Variants in CCDC33 observed in about 807,000 individuals in gnomAD.
The protein encoded by CCDC33 is coiled-coil domain containing 33, also known as coiled-coil domain-containing protein 33.
In CCDC33, 94 loss-of-function variants were observed where a neutral mutation model predicts 91.9. That is an observed-to-expected ratio of 1.02 (90% CI 0.87 to 1.21). The LOEUF (loss-of-function observed/expected upper bound fraction) is 1.21. Among genes scored for constraint, CCDC33 ranks in the 50% most tolerant of loss-of-function variants. The pLI, the probability that CCDC33 is intolerant of heterozygous loss-of-function variation, is 0.00. For synonymous variants in CCDC33, 396 were observed against 374.5 expected, an observed-to-expected ratio of 1.06 and a Z score of -0.66; for missense variants, 940 against 935.5, an observed-to-expected ratio of 1.00 and a Z score of -0.06.
chr15:74,203,298 G>T, intron 1 of CCDC33: 1 of 798,214 alleles, frequency 1.3e-6, no homozygotes, highest in Non-Finnish European at 1.5e-6. Flanking sequence ...CAGACCCACG[G>T]GTAGGCAAGA....
rs55820464 is a variant in CCDC33 at position 74,223,723 on chromosome 15, T to TACACACACACAC, written c.675+4893_675+4904dup. Among the ~76,000 whole-genome samples the TACACACACACAC allele has an allele frequency of 6.1e-3, 686 of 112,250 alleles. 16 individuals carry two copies. The highest frequency in any genetic ancestry group is 0.019 in the African/African-American group (611 of 31,456). 73.6% of individuals were successfully genotyped at this position (112,250 alleles called of 152,430 possible). ...GCTGAGGCTGTGCCCACCGCCAGCA[T>TACACACACACAC]ACACACACACACACACACACACACA... On this transcript the variant is annotated intron_variant, in intron 2 of 2. Transcript: ENST00000635913.
chr15:74,294,279 T>C (rs181626482), intron 10 of CCDC33, among the ~76,000 whole-genome samples: 1 of 152,340 alleles, frequency 6.6e-6, no homozygotes, highest in East Asian at 1.9e-4. Context: ...AGGGTGGAAC[T>C]GGCTCACTTT....
intron 11 of CCDC33, among the ~76,000 whole-genome samples, chr15:74,306,365 G>C (rs2059893845): frequency 6.6e-6 from 1 of 152,170 alleles, no homozygotes; most frequent in Non-Finnish European, 1.5e-5. Flanking sequence ...AGAATGCCAG[G>C]GTAGTCTGCA....
intron 11 of CCDC33, among the ~76,000 whole-genome samples, chr15:74,317,317 C>T (rs532892661): frequency 1.3e-5 from 2 of 152,278 alleles, no homozygotes; most frequent in East Asian, 3.9e-4. Flanking sequence ...GCCCAGATCG[C>T]GCCACTGTAC....
At chr15:74,219,722 C>T (rs1228020738) in intron 2 of CCDC33, among the ~76,000 whole-genome samples, 1 of 152,102 alleles carries the variant, frequency 6.6e-6, no homozygotes, top group African/African-American at 2.4e-5. Flanking sequence ...CCCTTTTATC[C>T]ATTCATTCAT....
At chr15:74,302,700 A>G (rs1216452834) in intron 11 of CCDC33, 1 of 152,282 alleles carries the variant, frequency 6.6e-6, no homozygotes, top group African/African-American at 2.4e-5. Flanking sequence ...GCAAACCTGG[A>G]TGGGGGCCAC....
chr15:74,203,709 G>T (rs1344142347), intron 1 of CCDC33, among the ~76,000 whole-genome samples: 1 of 152,246 alleles, frequency 6.6e-6, no homozygotes, highest in African/African-American at 2.4e-5. Flanking sequence ...CGGGGACACA[G>T]CCAGATAACT....
intron 10 of CCDC33, among the ~76,000 whole-genome samples, chr15:74,287,896 C>T (rs1282424904): frequency 6.6e-6 from 1 of 152,170 alleles, no homozygotes; most frequent in Non-Finnish European, 1.5e-5. Flanking sequence ...GACTCTGTGT[C>T]GGAGCAGGGC....
chr15:74,331,513 C>T (rs1187233354), intron 15 of CCDC33, among the ~76,000 whole-genome samples: 1 of 152,170 alleles, frequency 6.6e-6, no homozygotes, highest in Non-Finnish European at 1.5e-5. Context: ...CCTGGAAGCC[C>T]CTCAGAACAC....
Position 74,236,586 on chromosome 15 carries a change from T to C in CCDC33, c.-134T>C. ...CCTGAGACCACATTGACCTCCATAC[T>C]GTCTACTACCCATAAGGACTCCAAG... On this transcript the variant is annotated 5_prime_UTR_variant, in exon 1 of 19. Transcript: ENST00000398814. 2.2e-6 allele frequency: 1 copy of C among 463,406 alleles called. No homozygotes were observed. Among genetic ancestry groups the C allele is most frequent in the Non-Finnish European group, 3.8e-6 (1 of 261,902 alleles). The allele number at this position is 463,406 out of a possible 1,614,324, so 28.7% of individuals were successfully genotyped here. A position where few individuals can be genotyped will look rare whatever the true frequency, so the allele number is the denominator to read the frequency against.
At position 74,317,887 on chromosome 15, in the gene CCDC33, GTTTT is replaced by G. The variant is rs71137385; in HGVS notation, c.1291-12282_1291-12279del. Among the ~76,000 whole-genome samples the G allele has an allele frequency of 1.0e-4, 11 of 110,484 alleles. No individual in the cohort carries two copies. In the East Asian group the frequency reaches 1.2e-3, roughly 12 times the overall value. 72.5% of individuals were successfully genotyped at this position (110,484 alleles called of 152,430 possible). On this transcript the variant is annotated intron_variant, in intron 11 of 18. Transcript: ENST00000398814. ...GTGGCGGGCTGGCTTGTTTGGGTTTGTTTTTTTTTTTTTTTTTTTTTTTGCTTCC... is the reference window on the plus strand; with the variant it reads ...GTGGCGGGCTGGCTTGTTTGGGTTTGTTTTTTTTTTTTTTTTTTTGCTTCC...
intron 2 of CCDC33, among the ~76,000 whole-genome samples, chr15:74,228,614 C>T (rs1324804368): frequency 6.6e-6 from 1 of 152,208 alleles, no homozygotes; most frequent in Non-Finnish European, 1.5e-5. Flanking sequence ...CTTACCCCAC[C>T]CGGAAGCCTG....
chr15:74,218,614 C>T lies in CCDC33; in HGVS notation c.428C>T (p.Pro143Leu), dbSNP rs1244599056. Residue 143 changes from proline to leucine, a missense_variant, in exon 2 of 3, where the codon CCG (proline) becomes CTG (leucine). By Grantham distance (98) the Pro-to-Leu change is moderately conservative (BLOSUM62 -3). Transcript: ENST00000635913. The surrounding 1 kb of genome is among the most constrained non-coding windows in gnomAD (Gnocchi z 4.8). The stretch of plus-strand genomic sequence containing the variant: ...GGTGAGGCCATCTTCCCCATCTACC[C>T]GAGGCCAGACCAACCCCGCATGAAC... 6 of 1,289,746 alleles carry T rather than the reference C, an allele frequency of 4.7e-6. No homozygotes were observed. Among genetic ancestry groups the T allele is most frequent in the South Asian group, 2.5e-5 (2 of 81,034 alleles). 79.9% of individuals were successfully genotyped at this position (1,289,746 alleles called of 1,614,324 possible). A position where few individuals can be genotyped will look rare whatever the true frequency, so the allele number is the denominator to read the frequency against.
At chr15:74,292,871 C>T (rs2059610813) in intron 10 of CCDC33, among the ~76,000 whole-genome samples, 2 of 152,188 alleles carry the variant, frequency 1.3e-5, no homozygotes, top group Non-Finnish European at 2.9e-5. Context: ...TCCCCGAGCC[C>T]ACCCCCACCT....
intron 1 of CCDC33, among the ~76,000 whole-genome samples, chr15:74,240,777 G>A (rs1241825488): frequency 6.6e-6 from 1 of 152,168 alleles, no homozygotes; most frequent in East Asian, 1.9e-4. Flanking sequence ...ATTTTTAGTA[G>A]AGATGGGGTT....
intron 11 of CCDC33, among the ~76,000 whole-genome samples, chr15:74,312,995 G>T (rs764390920): frequency 3.9e-5 from 6 of 152,208 alleles, no homozygotes; most frequent in Non-Finnish European, 7.3e-5. Flanking sequence ...TCTGGGTGCT[G>T]GGAGGTAGGG....
intron 2 of CCDC33, among the ~76,000 whole-genome samples, chr15:74,225,450 G>T (rs1293997620): frequency 7.0e-6 from 1 of 143,108 alleles, no homozygotes; most frequent in East Asian, 2.0e-4. Flanking sequence ...TGGATGCTGC[G>T]ACACACAAGG....
intron 11 of CCDC33, chr15:74,302,286 C>T (rs543166564): frequency 1.3e-5 from 2 of 152,434 alleles, no homozygotes; most frequent in East Asian, 1.9e-4. Context: ...GAGACAGCCC[C>T]AGATCATGAG....
chr15:74,222,421 C>T (rs1323265071), intron 2 of CCDC33, among the ~76,000 whole-genome samples: 1 of 152,164 alleles, frequency 6.6e-6, no homozygotes, highest in Non-Finnish European at 1.5e-5. Context: ...TCCTCCCTCC[C>T]CCAGCATTTA....
Sources: allele counts gnomAD v4.1 joint callset (sites outside exome capture counted in the v4.1 genomes callset), GRCh38; gene constraint gnomAD v4.1.1; non-coding constraint Gnocchi (gnomAD v3.1); transcripts MANE v1.5; gene names NCBI Gene and HGNC (gene_info 2026-07-23, HGNC 2026-07-21).